Variants in FLVCR1 observed in about 807,000 individuals in gnomAD.
FLVCR1 encodes the protein choline/ethanolamine transporter FLVCR1.
A neutral mutation model predicts 53.6 loss-of-function variants in FLVCR1; 34 were observed. The observed-to-expected ratio is 0.63, with a 90% confidence interval of 0.48 to 0.84. FLVCR1 has a LOEUF of 0.84. Ranked by LOEUF, FLVCR1 falls within the 40% of genes least tolerant of loss-of-function variation. FLVCR1 has a pLI of 0.00. For synonymous variants in FLVCR1, 300 were observed against 286.3 expected, an observed-to-expected ratio of 1.05 and a Z score of -0.48; for missense variants, 677 against 696.7, an observed-to-expected ratio of 0.97 and a Z score of 0.32.
intron 3 of FLVCR1, among the ~76,000 whole-genome samples, chr1:212,875,153 G>C (rs919459996): frequency 2.6e-5 from 4 of 151,936 alleles, no homozygotes; most frequent in African/African-American, 9.7e-5. Flanking sequence ...GTATAGTAGT[G>C]CTCTAGATGC....
intron 3 of FLVCR1, among the ~76,000 whole-genome samples, chr1:212,879,225 G>T (rs932487290): frequency 5.3e-5 from 8 of 152,148 alleles, no homozygotes; most frequent in Admixed American, 3.3e-4. Context: ...ATTATAAGGA[G>T]GAAGGAGTTG....
intron 3 of FLVCR1, among the ~76,000 whole-genome samples, chr1:212,879,720 T>A (rs1364253891): frequency 6.6e-6 from 1 of 152,118 alleles, no homozygotes; most frequent in Non-Finnish European, 1.5e-5. Flanking sequence ...TATGCCCAGC[T>A]AATTTTTTGT....
In FLVCR1 at chr1:212,863,775, A is replaced by G. The variant is rs750960694; in HGVS notation, c.789A>G (p.Thr263=). The G allele has an allele frequency of 6.2e-7, 1 of 1,614,060 alleles. No homozygotes were observed. The highest frequency in any genetic ancestry group is 8.5e-7 in the Non-Finnish European group (1 of 1,179,912). The part of the protein sequence containing the change: ...FLLPPVLVPN[T]QNDTNLLACN... ...TACCACCAGTTTTAGTACCCAACAC[A>G]CAGAATGACACAAATCTCCTGGCTT... The change falls in exon 2 of 10, where the codon ACA becomes ACG. Residue 263 remains threonine, a synonymous_variant. Transcript: ENST00000366971.
intron 8 of FLVCR1, 77 bp from the exon 9 acceptor site, chr1:212,894,909 C>A: frequency 1.1e-6 from 1 of 950,582 alleles, no homozygotes; most frequent in Non-Finnish European, 1.7e-6. Flanking sequence ...TTGACAATAC[C>A]AAGAAAGACT....
intron 8 of FLVCR1, among the ~76,000 whole-genome samples, chr1:212,893,068 G>GA (rs961875915): frequency 3.0e-5 from 2 of 67,434 alleles, no homozygotes; most frequent in African/African-American, 6.7e-5. Flanking sequence ...TTTTTTTTGG[G>GA]GGGGGGTGCC....
intron 3 of FLVCR1, among the ~76,000 whole-genome samples, chr1:212,879,855 C>A (rs1242568072): frequency 6.6e-6 from 1 of 152,046 alleles, no homozygotes; most frequent in Non-Finnish European, 1.5e-5. Context: ...CCACACCCGG[C>A]CAAATTTTTT....
intron 1 of FLVCR1, among the ~76,000 whole-genome samples, chr1:212,860,029 T>A (rs1664172382): frequency 6.6e-6 from 1 of 152,130 alleles, no homozygotes; most frequent in South Asian, 2.1e-4. Flanking sequence ...ACGCCTGTAA[T>A]CTCAGCACTT....
intron 8 of FLVCR1, among the ~76,000 whole-genome samples, chr1:212,891,016 G>A (rs1438597491): frequency 6.6e-6 from 1 of 152,194 alleles, no homozygotes; most frequent in Non-Finnish European, 1.5e-5. Flanking sequence ...ATACAAAACT[G>A]TGAAATATGT....
At position 212,898,234 on chromosome 1, in the gene FLVCR1, C is replaced by A. The variant is rs940930518; in HGVS notation, c.*2944C>A. The stretch of plus-strand genomic sequence containing the variant: ...ACTTGAATCCAGCCAGAGAAAAATT[C>A]CCTGGACAATTGGATAAACAAATGT... On this transcript the variant is annotated 3_prime_UTR_variant, in exon 10 of 10. Transcript: ENST00000366971. The A allele has an allele frequency of 6.6e-6, 1 of 152,154 alleles. No individual in the cohort carries two copies. The highest frequency in any genetic ancestry group is 2.4e-5 in the African/African-American group (1 of 41,430). 9.4% of individuals were successfully genotyped at this position (152,154 alleles called of 1,614,324 possible).
intron 8 of FLVCR1, among the ~76,000 whole-genome samples, chr1:212,892,679 CA>C (rs1291402733): frequency 4.6e-5 from 7 of 152,138 alleles, no homozygotes; most frequent in African/African-American, 1.7e-4. Flanking sequence ...GCCCGTGGAT[CA>C]AGGAGTAATT....
intron 5 of FLVCR1, 73 bp from the exon 6 acceptor site, chr1:212,887,818 G>T: frequency 1.2e-6 from 1 of 803,058 alleles, no homozygotes; most frequent in Non-Finnish European, 2.2e-6. Context: ...TTACTGAACA[G>T]GTAAGAGTGA....
chr1:212,894,928 C>G (rs1665293649), intron 8 of FLVCR1, 58 bp from the exon 9 acceptor site: 6 of 1,195,054 alleles, frequency 5.0e-6, no homozygotes, highest in African/African-American at 1.5e-5. Context: ...CTTTGAGCTG[C>G]TTTTTAAAAA....
chr1:212,885,278 G>C lies in FLVCR1; in HGVS notation c.1093-15G>C, dbSNP rs936752830. 1 of 1,587,168 alleles carries C rather than the reference G, an allele frequency of 6.3e-7. No homozygotes were observed. Among genetic ancestry groups the C allele is most frequent in the African/African-American group, 1.3e-5 (1 of 74,418 alleles). ...TCCATTTATTTGATCAACTTCTTAC[G>C]CAAATTTTTTTCAGGGAGAAGAAGT... is the stretch of plus-strand genomic sequence containing the variant. On this transcript the variant is annotated splice_polypyrimidine_tract_variant and intron_variant, in intron 4 of 9. Coordinates refer to ENST00000366971, the MANE Select transcript of FLVCR1 (RefSeq NM_014053.4).
intron 6 of FLVCR1, 68 bp downstream of exon 6, chr1:212,888,069 G>A (rs947421407): frequency 1.0e-6 from 1 of 962,886 alleles, no homozygotes; most frequent in African/African-American, 1.6e-5. Flanking sequence ...TATTACTCTG[G>A]TCTTTAATTT....
At chr1:212,894,110 A>ATT (rs34844418) in intron 8 of FLVCR1, among the ~76,000 whole-genome samples, 31,709 of 149,922 alleles carry the variant, frequency 0.21, 4,028 homozygotes, top group East Asian at 0.44. Flanking sequence ...ATGTAGATTG[A>ATT]TTTTTTTTTT....
intron 3 of FLVCR1, among the ~76,000 whole-genome samples, chr1:212,873,487 G>A (rs907782073): frequency 6.6e-6 from 1 of 152,222 alleles, no homozygotes; most frequent in African/African-American, 2.4e-5. Context: ...GCTGGCATCT[G>A]TTTTGATTAC....
intron 4 of FLVCR1, among the ~76,000 whole-genome samples, chr1:212,883,655 TC>T (rs1410070393): frequency 1.3e-5 from 2 of 152,178 alleles, no homozygotes; most frequent in African/African-American, 4.8e-5. Context: ...TTGGACAGCA[TC>T]CCATCTAAAG....
intron 2 of FLVCR1, among the ~76,000 whole-genome samples, chr1:212,871,931 T>G (rs904774519): frequency 6.6e-6 from 1 of 152,186 alleles, no homozygotes; most frequent in Non-Finnish European, 1.5e-5. Context: ...GAAGCTCAAG[T>G]GAGTTAGCAA....
At chr1:212,860,350 G>GTT (rs567270153) in intron 1 of FLVCR1, among the ~76,000 whole-genome samples, 1,887 of 85,834 alleles carry the variant, frequency 0.022, 210 homozygotes, top group African/African-American at 0.04. Flanking sequence ...TGTGTGTGTG[G>GTT]TTTTTTTTTT....
Sources: gnomAD v4.1 joint callset for allele counts (sites outside exome capture counted in the v4.1 genomes callset) on GRCh38, gnomAD v4.1.1 for gene constraint, MANE v1.5 for transcripts, NCBI Gene and HGNC (gene_info 2026-07-23, HGNC 2026-07-21) for gene names.